The following CREBBP variants were observed in gnomAD, a reference collection of about 807,000 sequenced individuals.
The protein encoded by CREBBP is CREB binding lysine acetyltransferase.
In CREBBP, 19 loss-of-function variants were observed where a neutral mutation model predicts 265.0. That is an observed-to-expected ratio of 0.07 (90% confidence interval 0.05 to 0.11). CREBBP has a LOEUF of 0.11. Among genes scored for constraint, CREBBP ranks in the 10% least tolerant of loss-of-function variants. The probability of loss-of-function intolerance (pLI) is 1.00; values close to 1 mark genes in which losing one functional copy is unlikely to be tolerated. For synonymous variants in CREBBP, 1,457 were observed against 1,223.7 expected, an observed-to-expected ratio of 1.19 and a Z score of -3.98; for missense variants, 2,525 against 3,219.0, an observed-to-expected ratio of 0.78 and a Z score of 5.22.
At position 3,729,405 on chromosome 16, in the gene CREBBP, C is replaced by T. The variant is rs1406476257; in HGVS notation, c.5642G>A (p.Ser1881Asn). 1.9e-6 allele frequency: 3 copies of T among 1,612,776 alleles called. No individual in the cohort carries two copies. The highest frequency in any genetic ancestry group is 1.7e-5 in the Admixed American group (1 of 60,008). The change falls in exon 31 of 31, where the codon AGT (serine) becomes AAT (asparagine). Residue 1881 changes from serine (S) to asparagine (N), a missense_variant. Physicochemically the swap from Ser to Asn is conservative, Grantham distance 46. Coordinates refer to ENST00000262367, the MANE Select transcript of CREBBP (RefSeq NM_004380.3). ...TMNTRNVPQQSLPSPTSAPPG... is the reference protein window; with the variant it reads ...TMNTRNVPQQNLPSPTSAPPG... ...CGGTGCTGAGGTAGGAGAAGGCAGA[C>T]TCTGCTGAGGCACGTTGCGGGTGTT...
intron 19 of CREBBP, among the ~76,000 whole-genome samples, chr16:3,755,752 AG>A (rs2052571506): frequency 1.3e-5 from 2 of 152,180 alleles, no homozygotes; most frequent in Admixed American, 1.3e-4. Flanking sequence ...CTATTGATAA[AG>A]GGGAAGTTGA....
At chr16:3,744,127 G>A (rs2052283520) in intron 23 of CREBBP, among the ~76,000 whole-genome samples, 1 of 152,164 alleles carries the variant, frequency 6.6e-6, no homozygotes, top group African/African-American at 2.4e-5. Flanking sequence ...GCAGTAACAG[G>A]TTGTTCCTTC....
At position 3,793,620 on chromosome 16, in the gene CREBBP, T is replaced by C; in HGVS notation, c.982A>G (p.Met328Val). The stretch of plus-strand genomic sequence containing the variant: ...GGTACAATTCCCACTGATGTTTGCA[T>C]CTGAGACTAAAATAAAGCAAAATAA... ...SVTNVPNMSQ[M>V]QTSVGIVPTQ... Residue 328 changes from methionine (M) to valine (V), a missense_variant, in exon 4 of 31, where the codon ATG becomes GTG. Physicochemically the swap from Met to Val is conservative, Grantham distance 21. Coordinates refer to ENST00000262367, the MANE Select transcript of CREBBP (RefSeq NM_004380.3). 6.2e-7 allele frequency: 1 copy of C among 1,613,074 alleles called. No individual in the cohort carries two copies. Among genetic ancestry groups the C allele is most frequent in the Non-Finnish European group, 8.5e-7 (1 of 1,180,004 alleles).
Position 3,781,302 on chromosome 16 carries a change from A to G in CREBBP, c.1578T>C (p.Asn526=). The G allele has an allele frequency of 2.5e-6, 4 of 1,612,990 alleles. No homozygotes were observed. The highest frequency in any genetic ancestry group is 3.4e-6 in the Non-Finnish European group (4 of 1,179,136). ...QQMRTLNPLG[N]NPMNIPAGGI... is the part of the protein sequence containing the mutation. ...CTCCTGCTGGAATGTTCATTGGATT[A>G]TTTCCTTTAAAGACAGAAAAGAAAT... Residue 526 remains asparagine, a synonymous_variant, in exon 7 of 31, where the codon AAT becomes AAC. Transcript: ENST00000262367.
intron 5 of CREBBP, among the ~76,000 whole-genome samples, chr16:3,783,686 C>T (rs1468366230): frequency 6.6e-6 from 1 of 152,238 alleles, no homozygotes; most frequent in African/African-American, 2.4e-5. Context: ...ACCTCAGCAC[C>T]TCTGATATTC....
chr16:3,752,410 T>C (rs138861959), intron 19 of CREBBP, among the ~76,000 whole-genome samples: 2 of 152,182 alleles, frequency 1.3e-5, no homozygotes, highest in East Asian at 1.9e-4. Flanking sequence ...GATCTTTAAA[T>C]GTATGAAAAT....
chr16:3,821,753 G>C (rs1228487989), intron 2 of CREBBP, among the ~76,000 whole-genome samples: 1 of 152,166 alleles, frequency 6.6e-6, no homozygotes, highest in Non-Finnish European at 1.5e-5. Flanking sequence ...ATCTTGGCTG[G>C]GCGTGGTGGC....
chr16:3,774,863 A>C (rs770379116), intron 11 of CREBBP, 170 bp from the exon 12 acceptor site: 365 of 890,914 alleles, frequency 4.1e-4, no homozygotes, highest in Non-Finnish European at 6.2e-4. Context: ...AGACTTCTCC[A>C]TATCCAGAGA....
At chr16:3,786,375 G>C (rs954016533) in intron 5 of CREBBP, among the ~76,000 whole-genome samples, 1 of 151,778 alleles carries the variant, frequency 6.6e-6, no homozygotes, top group Non-Finnish European at 1.5e-5. Context: ...AAAAACAAAA[G>C]AAAAAAGGAA....
At chr16:3,867,954 T>C (rs1323621773) in intron 1 of CREBBP, among the ~76,000 whole-genome samples, 2 of 151,822 alleles carry the variant, frequency 1.3e-5, no homozygotes, top group Non-Finnish European at 2.9e-5. Flanking sequence ...TTTAAAAAAA[T>C]AGAACAAAGC....
In CREBBP at chr16:3,846,084, A is replaced by G. The variant is rs1394635503; in HGVS notation, c.798+4213T>C. Among the ~76,000 whole-genome samples the G allele has an allele frequency of 2.0e-5, 3 of 152,228 alleles. No homozygotes were observed. The East Asian group carries it at 5.8e-4, about 29-fold the overall frequency. On this transcript the variant is annotated intron_variant, in intron 2 of 30. Transcript: ENST00000262367. ...AAACATATTGTAAACCTATGTGACC[A>G]TATTCCTGGTGAAACAGACTATGGC...
intron 19 of CREBBP, among the ~76,000 whole-genome samples, chr16:3,752,021 C>T (rs2052485788): frequency 6.6e-6 from 1 of 152,032 alleles, no homozygotes; most frequent in Admixed American, 6.6e-5. Context: ...AGCACAGACA[C>T]AGAGGTAAGA....
At chr16:3,857,406 G>A (rs888487375) in intron 1 of CREBBP, among the ~76,000 whole-genome samples, 2 of 152,172 alleles carry the variant, frequency 1.3e-5, no homozygotes, top group Admixed American at 6.6e-5. Context: ...GGGCGCACAC[G>A]TAGTCGTACC....
intron 3 of CREBBP, among the ~76,000 whole-genome samples, chr16:3,807,042 A>G (rs1265115467): frequency 1.3e-5 from 2 of 152,018 alleles, no homozygotes; most frequent in Non-Finnish European, 2.9e-5. Context: ...GTTTGTAACG[A>G]TTTGTTTTCC....
intron 2 of CREBBP, among the ~76,000 whole-genome samples, chr16:3,815,357 T>C (rs1415714941): frequency 5.3e-5 from 8 of 151,810 alleles, no homozygotes; most frequent in East Asian, 1.9e-4. Flanking sequence ...CTGGCCAACA[T>C]GGTGAAACTC....
chr16:3,773,459 C>CA (rs1364408911), intron 13 of CREBBP, among the ~76,000 whole-genome samples: 1 of 152,038 alleles, frequency 6.6e-6, no homozygotes, highest in Non-Finnish European at 1.5e-5. Context: ...AATACACAAA[C>CA]AAAAAATAAG....
chr16:3,880,136 C>A lies in CREBBP; in HGVS notation c.-220G>T, dbSNP rs1255596562. 6.3e-6 allele frequency: 1 copy of A among 157,534 alleles called. No individual in the cohort carries two copies. The highest frequency in any genetic ancestry group is 1.4e-5 in the Non-Finnish European group (1 of 73,572). 9.8% of individuals were successfully genotyped at this position (157,534 alleles called of 1,614,324 possible). A position where few individuals can be genotyped will look rare whatever the true frequency, so the allele number is the denominator to read the frequency against. On this transcript the variant is annotated 5_prime_UTR_variant, in exon 1 of 31. Coordinates refer to ENST00000262367, the MANE Select transcript of CREBBP (RefSeq NM_004380.3). ...CGCCCCGCAGCGCTCACCGCCCGCC[C>A]CCGGCCGCCGCCGCCGCCGCCGGCC...
At chr16:3,849,411 GTGTGTGTGTGTGTGTGTGTGTGTGTGT>G (rs2054739915) in intron 2 of CREBBP, among the ~76,000 whole-genome samples, 1 of 5,738 alleles carries the variant, frequency 1.7e-4, no homozygotes, top group Non-Finnish European at 2.7e-3. Context: ...GTGTGTGTGT[GTGTGTGTGTGTGTGTGTGTGTGTGTGT>G]GTGTGTGTGT....
At chr16:3,774,792 CACAGGCA>C (rs2053097440) in intron 11 of CREBBP, 99 bp from the exon 12 acceptor site, 1 of 1,451,942 alleles carries the variant, frequency 6.9e-7, no homozygotes, top group Admixed American at 1.9e-5. Context: ...AGATGGAACG[CACAGGCA>C]ACAGAAAACT....
Sources: allele counts gnomAD v4.1 joint callset (sites outside exome capture counted in the v4.1 genomes callset), GRCh38; gene constraint gnomAD v4.1.1; transcripts MANE v1.5; gene names NCBI Gene and HGNC (gene_info 2026-07-23, HGNC 2026-07-21).